Variants in EPHA5 observed in about 807,000 individuals in gnomAD.
The protein encoded by EPHA5 is ephrin type-A receptor 5.
A neutral mutation model predicts 105.0 loss-of-function variants in EPHA5; 60 were observed. The ratio of observed to expected loss-of-function variants is 0.57; its 90% CI spans 0.46 to 0.71. The LOEUF (loss-of-function observed/expected upper bound fraction) is 0.71. EPHA5 is among the 30% of genes least tolerant of loss of function. The pLI is 0.00. For missense variants in EPHA5, 1,218 were observed against 1,274.7 expected, an observed-to-expected ratio of 0.96 and a Z score of 0.68; for synonymous variants, 513 against 449.1, an observed-to-expected ratio of 1.14 and a Z score of -1.80.
chr4:65,526,753 T>TATATGTAG (rs1304533255), intron 3 of EPHA5, among the ~76,000 whole-genome samples: 3 of 151,978 alleles, frequency 2.0e-5, no homozygotes, highest in East Asian at 3.9e-4. Flanking sequence ...ATCACTCATA[T>TATATGTAG]AACAACTGCA....
At chr4:65,617,834 A>C (rs1745376514) in intron 2 of EPHA5, among the ~76,000 whole-genome samples, 1 of 152,130 alleles carries the variant, frequency 6.6e-6, no homozygotes, top group South Asian at 2.1e-4. Flanking sequence ...GCGTATCTCT[A>C]TTCCTAATTA....
intron 11 of EPHA5, 118 bp downstream of exon 11, chr4:65,364,899 A>G (rs2148887237): frequency 1.3e-6 from 1 of 757,166 alleles, no homozygotes; most frequent in Middle Eastern, 2.8e-4. Flanking sequence ...CAGGATAAAC[A>G]TTAATATTAG....
intron 2 of EPHA5, among the ~76,000 whole-genome samples, chr4:65,638,376 A>C (rs1007950016): frequency 6.6e-6 from 1 of 152,208 alleles, no homozygotes; most frequent in African/African-American, 2.4e-5. Context: ...TACAAAACAA[A>C]GTAAGTTTTC....
intron 3 of EPHA5, among the ~76,000 whole-genome samples, chr4:65,576,573 T>A (rs988968059): frequency 1.3e-5 from 2 of 152,174 alleles, no homozygotes; most frequent in African/African-American, 4.8e-5. Context: ...AACTTTAGAA[T>A]GGATAGTGCC....
chr4:65,335,018 TC>T, intron 15 of EPHA5, among the ~76,000 whole-genome samples: 1 of 152,004 alleles, frequency 6.6e-6, no homozygotes. Context: ...GAAGATTCAT[TC>T]CTCATTTGTA....
chr4:65,558,112 G>C (rs1234692175), intron 3 of EPHA5, among the ~76,000 whole-genome samples: 2 of 151,966 alleles, frequency 1.3e-5, no homozygotes, highest in African/African-American at 4.8e-5. Flanking sequence ...CCTGACCTCA[G>C]GTGATCTGCC....
At chr4:65,468,280 G>A (rs1244776426) in intron 5 of EPHA5, among the ~76,000 whole-genome samples, 22 of 151,676 alleles carry the variant, frequency 1.5e-4, no homozygotes, top group Admixed American at 1.1e-3. Flanking sequence ...TTAGGTCACT[G>A]AGCTTTTGAG....
chr4:65,545,556 C>A lies in EPHA5; in HGVS notation c.911-50013G>T, dbSNP rs1373858156. On this transcript the variant is annotated intron_variant, in intron 3 of 16. Coordinates refer to ENST00000613740, the MANE Select transcript of EPHA5 (RefSeq NM_001281766.3). The stretch of plus-strand genomic sequence containing the variant: ...GAGAAAACACCCTTATAGAACTTAA[C>A]TACTAGTACAATGAATTGACATAAT... Among the ~76,000 whole-genome samples the A allele has an allele frequency of 2.0e-5, 3 of 151,860 alleles. No homozygotes were observed. The East Asian group carries it at 5.8e-4, about 29-fold the overall frequency.
chr4:65,366,168 A>C, intron 9 of EPHA5, 111 bp from the exon 10 acceptor site: 1 of 1,016,916 alleles, frequency 9.8e-7, no homozygotes. Flanking sequence ...GGAAGTATTC[A>C]AACTGCAAGG....
intron 3 of EPHA5, among the ~76,000 whole-genome samples, chr4:65,527,298 C>A (rs894609768): frequency 6.6e-6 from 1 of 152,052 alleles, no homozygotes; most frequent in Non-Finnish European, 1.5e-5. Flanking sequence ...TCTACATTCA[C>A]CAAAGTGACA....
At chr4:65,465,536 G>GAAAA (rs1728615389) in intron 5 of EPHA5, among the ~76,000 whole-genome samples, 4 of 69,216 alleles carry the variant, frequency 5.8e-5, no homozygotes, top group African/African-American at 2.5e-4. Flanking sequence ...AGAAAAGAAA[G>GAAAA]GAAAGGAAGG....
At chr4:65,422,692 G>A (rs1387975867) in intron 5 of EPHA5, among the ~76,000 whole-genome samples, 1 of 152,018 alleles carries the variant, frequency 6.6e-6, no homozygotes, top group Non-Finnish European at 1.5e-5. Context: ...CTGTGTTAGA[G>A]CTAACCTTTG....
intron 5 of EPHA5, among the ~76,000 whole-genome samples, chr4:65,463,453 T>A (rs1400769674): frequency 1.3e-5 from 2 of 152,174 alleles, no homozygotes; most frequent in African/African-American, 4.8e-5. Context: ...ATGAGAAAGA[T>A]CACTACTGTT....
chr4:65,580,700 C>T (rs1180340129), intron 3 of EPHA5, among the ~76,000 whole-genome samples: 1 of 151,832 alleles, frequency 6.6e-6, no homozygotes, highest in Non-Finnish European at 1.5e-5. Context: ...CCTCCCCTGT[C>T]CCTCAAAGAG....
intron 1 of EPHA5, among the ~76,000 whole-genome samples, chr4:65,666,837 C>T (rs1750008622): frequency 6.6e-6 from 1 of 152,180 alleles, no homozygotes; most frequent in Non-Finnish European, 1.5e-5. Flanking sequence ...ATATGTTTGG[C>T]TTTTTCTATT....
At chr4:65,553,392 T>C (rs911485927) in intron 3 of EPHA5, among the ~76,000 whole-genome samples, 1 of 152,098 alleles carries the variant, frequency 6.6e-6, no homozygotes, top group Non-Finnish European at 1.5e-5. Flanking sequence ...TGACTGTTAC[T>C]TTATGTTTTC....
At chr4:65,540,074 TCAGCACC>T (rs142151443) in intron 3 of EPHA5, among the ~76,000 whole-genome samples, 7,509 of 151,480 alleles carry the variant, frequency 0.05, 256 homozygotes, top group Middle Eastern at 0.099. Flanking sequence ...ACTGACAAAG[TCAGCACC>T]ATGCATGAAA....
intron 3 of EPHA5, among the ~76,000 whole-genome samples, chr4:65,499,854 T>C (rs1347992796): frequency 1.3e-5 from 2 of 151,022 alleles, no homozygotes; most frequent in African/African-American, 4.8e-5. Flanking sequence ...AAAAAGCTTG[T>C]AGTCCACGAT....
In EPHA5 at chr4:65,365,963, T is replaced by C. The variant is rs754857323; in HGVS notation, c.1956A>G (p.Ser652=). The C allele has an allele frequency of 9.3e-6, 15 of 1,609,042 alleles. No homozygotes were observed. The highest frequency in any genetic ancestry group is 3.3e-5 in the South Asian group (3 of 90,638). ...CAATAACTCTCTCAATGGTGATACATGATGCTTCTATCTCCTTAGCAAATT... is the reference window on the plus strand; with the variant it reads ...CAATAACTCTCTCAATGGTGATACACGATGCTTCTATCTCCTTAGCAAATT... ...VHEFAKEIEA[S]CITIERVIGA... The change falls in exon 10 of 17, where the codon TCA becomes TCG. Residue 652 remains serine (S), a synonymous_variant. Coordinates refer to ENST00000613740, the MANE Select transcript of EPHA5 (RefSeq NM_001281766.3).
Sources: allele counts gnomAD v4.1 joint callset (sites outside exome capture counted in the v4.1 genomes callset), GRCh38; gene constraint gnomAD v4.1.1; transcripts MANE v1.5; gene names NCBI Gene and HGNC (gene_info 2026-07-23, HGNC 2026-07-21).